The following FGGY variants were observed in gnomAD, a reference collection of about 807,000 sequenced individuals.
The protein encoded by FGGY is FGGY carbohydrate kinase domain-containing protein.
A neutral mutation model predicts 71.3 loss-of-function variants in FGGY; 72 were observed. The observed-to-expected ratio is 1.01, with a 90% CI of 0.84 to 1.23. The LOEUF (loss-of-function observed/expected upper bound fraction) is 1.23, where lower values mean the gene tolerates loss of function less well. Among genes scored for constraint, FGGY ranks in the 50% most tolerant of loss-of-function variants. The pLI, the probability that FGGY is intolerant of heterozygous loss-of-function variation, is 0.00. For synonymous variants in FGGY, 251 were observed against 250.3 expected, an observed-to-expected ratio of 1.00 and a Z score of -0.02; for missense variants, 668 against 682.3, an observed-to-expected ratio of 0.98 and a Z score of 0.23.
At chr1:59,371,881 C>T (rs1301266121) in intron 4 of FGGY, among the ~76,000 whole-genome samples, 1 of 152,122 alleles carries the variant, frequency 6.6e-6, no homozygotes, top group Admixed American at 6.5e-5. Flanking sequence ...ACACAACATA[C>T]CAGAATCTCT....
At chr1:59,524,579 C>T (rs1558218995) in intron 7 of FGGY, among the ~76,000 whole-genome samples, 1 of 152,196 alleles carries the variant, frequency 6.6e-6, no homozygotes, top group Non-Finnish European at 1.5e-5. Flanking sequence ...CCCAGTCAGA[C>T]ACGGACAGAC....
chr1:59,688,139 A>G (rs749274632), intron 14 of FGGY, among the ~76,000 whole-genome samples: 9 of 152,236 alleles, frequency 5.9e-5, no homozygotes, highest in Middle Eastern at 3.2e-3. Context: ...ACAAGATTCA[A>G]GTACAAGTCA....
intron 14 of FGGY, among the ~76,000 whole-genome samples, chr1:59,736,135 A>G (rs574186194): frequency 2.0e-5 from 3 of 152,104 alleles, no homozygotes; most frequent in Admixed American, 2.0e-4. Context: ...GCTGCCATCC[A>G]TGTAAGGTGT....
At chr1:59,314,582 G>C (rs1490137752) in intron 1 of FGGY, among the ~76,000 whole-genome samples, 1 of 152,228 alleles carries the variant, frequency 6.6e-6, no homozygotes. Context: ...CTTACCCCAA[G>C]TGAGTCAGTG....
intron 14 of FGGY, among the ~76,000 whole-genome samples, chr1:59,682,907 G>A (rs1366915433): frequency 6.6e-6 from 1 of 152,222 alleles, no homozygotes; most frequent in Non-Finnish European, 1.5e-5. Flanking sequence ...CAAGTGTACT[G>A]TTTAGTTCAG....
rs372206092 is a variant in FGGY, at chr1:59,554,374, C to G, written c.903+147C>G. ...GCTTTGTCTAGCCAGAAGCCCAGCT[C>G]CCCACTCTACCTCCCTTGCTTAACA... On this transcript the variant is annotated intron_variant, in intron 8 of 15. Transcript: ENST00000303721. The G allele has an allele frequency of 1.1e-5, 6 of 557,180 alleles. No individual in the cohort carries two copies. The East Asian group carries it at 1.5e-4, about 14-fold the overall frequency. 34.5% of individuals were successfully genotyped at this position (557,180 alleles called of 1,614,324 possible).
At chr1:59,614,778 G>A (rs1483337176) in intron 9 of FGGY, among the ~76,000 whole-genome samples, 1 of 152,170 alleles carries the variant, frequency 6.6e-6, no homozygotes, top group Non-Finnish European at 1.5e-5. Context: ...ATCTCCTTAA[G>A]CTGATAAGCA....
chr1:59,430,300 A>G (rs1285033511), intron 5 of FGGY, among the ~76,000 whole-genome samples: 2 of 152,128 alleles, frequency 1.3e-5, no homozygotes, highest in African/African-American at 2.4e-5. Context: ...GTATTGCACC[A>G]GGGGCCTTGA....
chr1:59,550,574 A>T (rs1197132541), intron 7 of FGGY, among the ~76,000 whole-genome samples: 1 of 152,158 alleles, frequency 6.6e-6, no homozygotes, highest in Non-Finnish European at 1.5e-5. Flanking sequence ...TAGGAGAAGC[A>T]CTGTGTATAT....
chr1:59,493,131 A>AC (rs58373953), intron 6 of FGGY, among the ~76,000 whole-genome samples: 77 of 146,274 alleles, frequency 5.3e-4, no homozygotes, highest in Non-Finnish European at 4.7e-4. Flanking sequence ...ACACACACAC[A>AC]AAACAGAAAG....
chr1:59,402,953 C>G (rs367857267), intron 5 of FGGY, among the ~76,000 whole-genome samples: 1 of 152,082 alleles, frequency 6.6e-6, no homozygotes, highest in Non-Finnish European at 1.5e-5. Context: ...ATGGGGGTCC[C>G]GGGCTCCTGA....
intron 15 of FGGY, among the ~76,000 whole-genome samples, chr1:59,760,316 G>A (rs1248851991): frequency 6.6e-6 from 1 of 152,228 alleles, no homozygotes; most frequent in African/African-American, 2.4e-5. Flanking sequence ...AGGATGTGGA[G>A]AAATTGGAAG....
At chr1:59,525,142 G>T (rs1040722982) in intron 7 of FGGY, among the ~76,000 whole-genome samples, 1 of 152,224 alleles carries the variant, frequency 6.6e-6, no homozygotes, top group African/African-American at 2.4e-5. Context: ...GCCTTGCGTG[G>T]AGCTGGCACC....
chr1:59,436,315 T>A (rs2068458571), intron 5 of FGGY, among the ~76,000 whole-genome samples: 1 of 152,158 alleles, frequency 6.6e-6, no homozygotes, highest in Admixed American at 6.5e-5. Context: ...GTCTCTTCAT[T>A]GTCCCTGAAA....
chr1:59,622,667 C>T (rs1365452018), intron 9 of FGGY, among the ~76,000 whole-genome samples: 1 of 152,124 alleles, frequency 6.6e-6, no homozygotes, highest in Non-Finnish European at 1.5e-5. Context: ...TTTCTGACAT[C>T]CCCTCCACAA....
chr1:59,548,490 G>T (rs188797630), intron 7 of FGGY, among the ~76,000 whole-genome samples: 1 of 152,258 alleles, frequency 6.6e-6, no homozygotes, highest in African/African-American at 2.4e-5. Flanking sequence ...GAAGTTCTAA[G>T]GGGTCAAGGC....
intron 6 of FGGY, among the ~76,000 whole-genome samples, chr1:59,495,106 C>A (rs570503222): frequency 6.6e-6 from 1 of 152,016 alleles, no homozygotes; most frequent in South Asian, 2.1e-4. Flanking sequence ...ATGATTAACA[C>A]TTTTTCATAT....
intron 8 of FGGY, among the ~76,000 whole-genome samples, chr1:59,559,660 T>G (rs1167358970): frequency 6.6e-6 from 1 of 152,134 alleles, no homozygotes; most frequent in East Asian, 1.9e-4. Flanking sequence ...AGGATTGGAA[T>G]AGGAAATATA....
chr1:59,323,196 C>T (rs1474737909), intron 2 of FGGY, among the ~76,000 whole-genome samples: 1 of 152,144 alleles, frequency 6.6e-6, no homozygotes, highest in Non-Finnish European at 1.5e-5. Flanking sequence ...TACAGCCTTG[C>T]TTGCCGTTAA....
Sources: gnomAD v4.1 joint callset for allele counts (sites outside exome capture counted in the v4.1 genomes callset) on GRCh38, gnomAD v4.1.1 for gene constraint, MANE v1.5 for transcripts, NCBI Gene and HGNC (gene_info 2026-07-23, HGNC 2026-07-21) for gene names.